Variants in PHLPP1 observed in about 807,000 individuals in gnomAD.
The protein encoded by PHLPP1 is PH domain leucine-rich repeat-containing protein phosphatase 1.
PHLPP1 carries 42 observed loss-of-function variants against 117.2 expected under a neutral mutation model. That is an observed-to-expected ratio of 0.36 (90% confidence interval 0.28 to 0.46). The LOEUF (loss-of-function observed/expected upper bound fraction) is 0.46, where lower values mean the gene tolerates loss of function less well. PHLPP1 is among the 20% of genes least tolerant of loss of function. The pLI, the probability that PHLPP1 is intolerant of heterozygous loss-of-function variation, is 1.00. For synonymous variants in PHLPP1, 1,042 were observed against 970.7 expected, an observed-to-expected ratio of 1.07 and a Z score of -1.37; for missense variants, 2,084 against 2,241.9, an observed-to-expected ratio of 0.93 and a Z score of 1.42.
chr18:62,746,608 G>C (rs1050076591), intron 1 of PHLPP1, among the ~76,000 whole-genome samples: 2 of 151,838 alleles, frequency 1.3e-5, no homozygotes, highest in African/African-American at 4.8e-5. Context: ...GAAGACAAGA[G>C]TAATATAAAG....
chr18:62,766,077 ATAT>A lies in PHLPP1; in HGVS notation c.1576+48819_1576+48821del, dbSNP rs1162609958. On this transcript the variant is annotated intron_variant, in intron 1 of 16. Coordinates refer to ENST00000262719, the MANE Select transcript of PHLPP1 (RefSeq NM_194449.4). ...CTCCATCTCAAAAAAAAAAAAAAAA[ATAT>A]ATATATATATATATATATATATAAA... Among the ~76,000 whole-genome samples, 45 of 20,984 alleles carry A rather than the reference ATAT, an allele frequency of 2.1e-3. 1 individual carries two copies. Among genetic ancestry groups the A allele is most frequent in the East Asian group, 0.01 (4 of 386 alleles). The allele number at this position is 20,984 out of a possible 152,430, so 13.8% of individuals were successfully genotyped here.
intron 1 of PHLPP1, among the ~76,000 whole-genome samples, chr18:62,754,378 C>T (rs1354081454): frequency 6.6e-6 from 1 of 152,228 alleles, no homozygotes; most frequent in Non-Finnish European, 1.5e-5. Flanking sequence ...GGCCACTCTT[C>T]TAGAGGTGTA....
At chr18:62,757,075 A>C (rs953659572) in intron 1 of PHLPP1, among the ~76,000 whole-genome samples, 1 of 152,182 alleles carries the variant, frequency 6.6e-6, no homozygotes, top group African/African-American at 2.4e-5. Flanking sequence ...TTAACGTTAA[A>C]ACTTGGTTTT....
intron 1 of PHLPP1, among the ~76,000 whole-genome samples, chr18:62,766,076 A>AAAAAAAAATATATATAT: frequency 3.7e-4 from 8 of 21,660 alleles, no homozygotes; most frequent in African/African-American, 7.4e-4. Flanking sequence ...AAAAAAAAAA[A>AAAAAAAAATATATATAT]ATATATATAT....
At chr18:62,871,548 C>A (rs1292156832) in intron 4 of PHLPP1, among the ~76,000 whole-genome samples, 1 of 151,826 alleles carries the variant, frequency 6.6e-6, no homozygotes, top group African/African-American at 2.4e-5. Flanking sequence ...GTCTGGTCAC[C>A]AACTCCTGAC....
intron 1 of PHLPP1, among the ~76,000 whole-genome samples, chr18:62,733,947 C>T (rs142081993): frequency 0.013 from 1,976 of 152,228 alleles, 19 homozygotes; most frequent in Non-Finnish European, 0.017. Flanking sequence ...GCCTTTTTAT[C>T]ACTTGAATCG....
chr18:62,728,437 C>G (rs1911138638), intron 1 of PHLPP1, among the ~76,000 whole-genome samples: 1 of 152,014 alleles, frequency 6.6e-6, no homozygotes, highest in Non-Finnish European at 1.5e-5. Flanking sequence ...ACTTTTTTCA[C>G]CTTCTGGAGA....
At chr18:62,771,108 G>T (rs1912754832) in intron 1 of PHLPP1, among the ~76,000 whole-genome samples, 1 of 151,938 alleles carries the variant, frequency 6.6e-6, no homozygotes, top group Middle Eastern at 3.4e-3. Context: ...CAGCTACTTG[G>T]GAGGCTGAGG....
intron 5 of PHLPP1, among the ~76,000 whole-genome samples, 159 bp from the exon 6 acceptor site, chr18:62,895,622 C>A (rs1328645000): frequency 6.6e-6 from 1 of 152,202 alleles, no homozygotes; most frequent in Non-Finnish European, 1.5e-5. Flanking sequence ...CTGATTATTT[C>A]TCTTTGGTCC....
At chr18:62,850,801 G>A (rs1295498904) in intron 3 of PHLPP1, among the ~76,000 whole-genome samples, 2 of 152,152 alleles carry the variant, frequency 1.3e-5, no homozygotes, top group Admixed American at 6.6e-5. Flanking sequence ...TGTTGCATCT[G>A]ACTCCTAAAG....
intron 10 of PHLPP1, among the ~76,000 whole-genome samples, chr18:62,927,959 T>C (rs1568164277): frequency 6.6e-6 from 1 of 152,146 alleles, no homozygotes; most frequent in African/African-American, 2.4e-5. Context: ...ATATAAATAA[T>C]TATGACCACC....
intron 12 of PHLPP1, among the ~76,000 whole-genome samples, chr18:62,951,990 A>AT (rs994789251): frequency 1.5e-4 from 23 of 149,332 alleles, no homozygotes; most frequent in Admixed American, 1.3e-3. Flanking sequence ...AATTTTTTGT[A>AT]TTTTTTTTTA....
At chr18:62,847,247 C>T (rs975475486) in intron 3 of PHLPP1, among the ~76,000 whole-genome samples, 2 of 152,090 alleles carry the variant, frequency 1.3e-5, no homozygotes, top group African/African-American at 4.8e-5. Context: ...TGGAATTAGC[C>T]GTTGTTGTTC....
chr18:62,903,262 T>C, intron 7 of PHLPP1, 96 bp downstream of exon 7: 1 of 819,678 alleles, frequency 1.2e-6, no homozygotes, highest in Non-Finnish European at 1.9e-6. Context: ...GCTCAAGTAG[T>C]TAGTAAAATA....
intron 4 of PHLPP1, among the ~76,000 whole-genome samples, chr18:62,863,442 A>G (rs1417396058): frequency 6.6e-6 from 1 of 152,132 alleles, no homozygotes; most frequent in Non-Finnish European, 1.5e-5. Context: ...GACTCAAGTG[A>G]TCCACCCACC....
chr18:62,744,036 G>T (rs998851733), intron 1 of PHLPP1, among the ~76,000 whole-genome samples: 1 of 152,180 alleles, frequency 6.6e-6, no homozygotes, highest in African/African-American at 2.4e-5. Flanking sequence ...GGACACATGT[G>T]GCTCACAGGT....
intron 1 of PHLPP1, among the ~76,000 whole-genome samples, chr18:62,783,087 G>C (rs1462866730): frequency 6.7e-6 from 1 of 148,812 alleles, no homozygotes; most frequent in East Asian, 1.9e-4. Flanking sequence ...AGATAGAAAT[G>C]ATACCCATCA....
At chr18:62,878,179 T>G (rs1333075324) in intron 4 of PHLPP1, among the ~76,000 whole-genome samples, 1 of 152,224 alleles carries the variant, frequency 6.6e-6, no homozygotes, top group Non-Finnish European at 1.5e-5. Flanking sequence ...GTAATCAACT[T>G]TACTCTGCAC....
At chr18:62,752,268 A>C (rs939123995) in intron 1 of PHLPP1, among the ~76,000 whole-genome samples, 1 of 152,194 alleles carries the variant, frequency 6.6e-6, no homozygotes, top group Admixed American at 6.5e-5. Flanking sequence ...CACCCAGTAA[A>C]GAATAGCTCT....
Sources: gnomAD v4.1 joint callset for allele counts (sites outside exome capture counted in the v4.1 genomes callset) on GRCh38, gnomAD v4.1.1 for gene constraint, MANE v1.5 for transcripts, NCBI Gene and HGNC (gene_info 2026-07-23, HGNC 2026-07-21) for gene names.